MID1: variants seen among roughly 807,000 people sequenced by gnomAD.
The protein encoded by MID1 is E3 ubiquitin-protein ligase Midline-1.
MID1 carries 7 observed loss-of-function variants against 40.4 expected under a neutral mutation model. That is an observed-to-expected ratio of 0.17 (90% CI 0.10 to 0.33). MID1 has a LOEUF of 0.33. Ranked by LOEUF, MID1 falls within the 10% of genes least tolerant of loss-of-function variation. The probability of loss-of-function intolerance (pLI) is 1.00; values close to 1 mark genes in which losing one functional copy is unlikely to be tolerated. For synonymous variants in MID1, 229 were observed against 221.2 expected, an observed-to-expected ratio of 1.04 and a Z score of -0.31; for missense variants, 367 against 558.5, an observed-to-expected ratio of 0.66 and a Z score of 3.46.
At chrX:10,704,026 C>G (rs748275039) in intron 1 of MID1, among the ~76,000 whole-genome samples, 1 of 111,848 alleles carries the variant, frequency 8.9e-6, no homozygotes, top group Non-Finnish European at 1.9e-5. Flanking sequence ...GTTGTTATAA[C>G]GTAACTTTTG....
chrX:10,451,590 C>CTCA (rs1300656956), intron 9 of MID1, among the ~76,000 whole-genome samples: 1 of 111,731 alleles, frequency 9.0e-6, no homozygotes, highest in African/African-American at 3.3e-5. Context: ...CCACCCAAAT[C>CTCA]TCATCTTGAA....
intron 2 of MID1, among the ~76,000 whole-genome samples, chrX:10,539,241 C>A (rs1053765535): frequency 1.9e-4 from 21 of 111,835 alleles, no homozygotes; most frequent in African/African-American, 6.8e-4. Context: ...AAACACTTCC[C>A]AAACATCTCT....
intron 5 of MID1, among the ~76,000 whole-genome samples, chrX:10,479,038 C>T (rs1602278345): frequency 8.9e-6 from 1 of 111,765 alleles, no homozygotes; most frequent in African/African-American, 3.3e-5. Flanking sequence ...ACACACAAGG[C>T]GGGCTAGACT....
intron 1 of MID1, among the ~76,000 whole-genome samples, chrX:10,825,654 G>A (rs1414248454): frequency 1.8e-5 from 2 of 111,337 alleles, no homozygotes; most frequent in African/African-American, 3.3e-5. Context: ...CTTAATCCAG[G>A]TTGAGGGGAG....
intron 2 of MID1, among the ~76,000 whole-genome samples, chrX:10,549,031 C>T (rs1488447308): frequency 6.3e-5 from 7 of 111,302 alleles, no homozygotes; most frequent in East Asian, 2.8e-4. Context: ...GGTCTGATCA[C>T]GCTGTCTCAT....
At chrX:10,518,856 T>C (rs941296820) in intron 3 of MID1, among the ~76,000 whole-genome samples, 3 of 111,874 alleles carry the variant, frequency 2.7e-5, no homozygotes, top group Admixed American at 1.9e-4. Context: ...TAAATGCAAG[T>C]CCACTACAAT....
chrX:10,603,887 CA>C (rs768320785), intron 1 of MID1, among the ~76,000 whole-genome samples: 9 of 111,195 alleles, frequency 8.1e-5, no homozygotes, highest in Non-Finnish European at 1.3e-4. Context: ...GGTTTGAGAC[CA>C]AAGATCTTTA....
At chrX:10,699,146 T>C (rs2054773820) in intron 1 of MID1, among the ~76,000 whole-genome samples, 1 of 112,127 alleles carries the variant, frequency 8.9e-6, no homozygotes, top group Non-Finnish European at 1.9e-5. Context: ...TTCCTTTTAA[T>C]CTTTTTTTTC....
chrX:10,777,430 C>T (rs905084933), intron 1 of MID1, among the ~76,000 whole-genome samples: 15 of 110,438 alleles, frequency 1.4e-4, no homozygotes, highest in Non-Finnish European at 2.1e-4. Context: ...ATCTCCTGAC[C>T]TCGTGATTCG....
chrX:10,616,395 G>C (rs1935839094), intron 1 of MID1, among the ~76,000 whole-genome samples: 1 of 112,334 alleles, frequency 8.9e-6, no homozygotes, highest in Admixed American at 9.4e-5. Context: ...CAAATGATTT[G>C]ATTGAACTGG....
At chrX:10,544,476 C>A (rs1569096277) in intron 2 of MID1, among the ~76,000 whole-genome samples, 1 of 112,164 alleles carries the variant, frequency 8.9e-6, no homozygotes, top group African/African-American at 3.2e-5. Flanking sequence ...AATTTCTTAC[C>A]AGGACTTAAT....
At chrX:10,666,406 C>CAAAAAA (rs33938561) in intron 1 of MID1, among the ~76,000 whole-genome samples, 5 of 68,850 alleles carry the variant, frequency 7.3e-5, no homozygotes, top group South Asian at 8.4e-4. Context: ...TGATAAACTG[C>CAAAAAA]AAAAAAAAAA....
chrX:10,727,273 C>G (rs910160450), intron 1 of MID1, among the ~76,000 whole-genome samples: 1 of 111,067 alleles, frequency 9.0e-6, no homozygotes, highest in African/African-American at 3.3e-5. Context: ...TGCCACCATG[C>G]CCGGCTAATT....
chrX:10,486,493 T>A (rs1474920464), intron 4 of MID1, among the ~76,000 whole-genome samples: 1 of 111,697 alleles, frequency 9.0e-6, no homozygotes. Flanking sequence ...ACCTCAGATT[T>A]CCACGGGTTG....
intron 3 of MID1, among the ~76,000 whole-genome samples, chrX:10,509,631 C>T (rs999535597): frequency 1.8e-5 from 2 of 111,541 alleles, no homozygotes. Context: ...GAGGGAGCTC[C>T]TTGTGTGCAC....
intron 1 of MID1, among the ~76,000 whole-genome samples, chrX:10,720,866 C>T (rs1483531312): frequency 2.7e-5 from 3 of 109,716 alleles, no homozygotes; most frequent in Non-Finnish European, 5.7e-5. Context: ...TACTATGCAG[C>T]CATAAAAAAT....
intron 1 of MID1, among the ~76,000 whole-genome samples, chrX:10,800,919 T>C (rs1234954495): frequency 8.9e-6 from 1 of 112,246 alleles, no homozygotes; most frequent in Non-Finnish European, 1.9e-5. Context: ...AATTCCAGCC[T>C]AAATAGAGAT....
At chrX:10,458,332 G>T (rs1928811079) in intron 8 of MID1, among the ~76,000 whole-genome samples, 1 of 111,988 alleles carries the variant, frequency 8.9e-6, no homozygotes, top group Non-Finnish European at 1.9e-5. Context: ...CCCTCAAGTT[G>T]TTAAAATATT....
chrX:10,815,024 T>G (rs756560341), intron 1 of MID1, among the ~76,000 whole-genome samples: 1 of 112,206 alleles, frequency 8.9e-6, no homozygotes, highest in Non-Finnish European at 1.9e-5. Flanking sequence ...GCAGGTTTTT[T>G]GTGAACATTT....
Sources: allele counts gnomAD v4.1 joint callset (sites outside exome capture counted in the v4.1 genomes callset), GRCh38; gene constraint gnomAD v4.1.1; transcripts MANE v1.5; gene names NCBI Gene and HGNC (gene_info 2026-07-23, HGNC 2026-07-21).